The following TDRD7 variants were observed in gnomAD, a reference collection of about 807,000 sequenced individuals.
TDRD7 encodes tudor domain-containing protein 7.
A neutral mutation model predicts 109.8 loss-of-function variants in TDRD7; 47 were observed. The ratio of observed to expected loss-of-function variants is 0.43; its 90% CI spans 0.34 to 0.55. TDRD7 has a LOEUF of 0.55. TDRD7 is among the 20% of genes least tolerant of loss of function. The pLI is 0.03. For missense variants in TDRD7, 1,164 were observed against 1,319.2 expected (o/e 0.88, Z 1.82); for synonymous variants, 424 against 457.3 (o/e 0.93, Z 0.93).
intron 7 of TDRD7, 22 bp downstream of exon 7, chr9:97,460,786 T>A: frequency 7.5e-6 from 12 of 1,595,796 alleles, no homozygotes; most frequent in Non-Finnish European, 1.0e-5. Context: ...TTTCTAATTC[T>A]TTAGGATTCT....
At chr9:97,488,808 C>T (rs1215759747) in intron 16 of TDRD7, among the ~76,000 whole-genome samples, 1 of 152,174 alleles carries the variant, frequency 6.6e-6, no homozygotes, top group Non-Finnish European at 1.5e-5. Context: ...ACAAGTTTCC[C>T]TCTAAGTACA....
rs181117852 is a variant in TDRD7 at position 97,452,458 on chromosome 9, A to G, written c.856-7720A>G. Among the ~76,000 whole-genome samples the G allele has an allele frequency of 8.2e-4, 125 of 152,338 alleles. 2 individuals carry two copies. The highest frequency in any genetic ancestry group is 6.8e-3 in the Middle Eastern group (2 of 294). Reference sequence around the variant, plus strand: ...AGAACAAGTGAAATGTAGGCACATAACTAACTGTTTTGAGATAAAAGAATA... The same window carrying G: ...AGAACAAGTGAAATGTAGGCACATAGCTAACTGTTTTGAGATAAAAGAATA... On this transcript the variant is annotated intron_variant, in intron 6 of 16. Transcript: ENST00000355295.
chr9:97,487,608 T>C (rs928920381), intron 16 of TDRD7, among the ~76,000 whole-genome samples: 26 of 152,246 alleles, frequency 1.7e-4, no homozygotes, highest in African/African-American at 5.5e-4. Context: ...TTAGTACAGA[T>C]ATAATACTGC....
At chr9:97,428,254 A>G (rs2118278734) in intron 1 of TDRD7, among the ~76,000 whole-genome samples, 1 of 152,194 alleles carries the variant, frequency 6.6e-6, no homozygotes, top group African/African-American at 2.4e-5. Context: ...TTCCCTCTTC[A>G]GGCTGGTCTT....
chr9:97,447,814 A>G (rs1828427403), intron 6 of TDRD7, among the ~76,000 whole-genome samples: 1 of 152,242 alleles, frequency 6.6e-6, no homozygotes, highest in African/African-American at 2.4e-5. Flanking sequence ...AAAGCTCTGC[A>G]CATGTTCAAC....
chr9:97,475,113 A>G (rs904639199), intron 11 of TDRD7, among the ~76,000 whole-genome samples: 1 of 152,224 alleles, frequency 6.6e-6, no homozygotes, highest in African/African-American at 2.4e-5. Flanking sequence ...TAAGTGAATC[A>G]TAATGATCTT....
chr9:97,448,999 A>G (rs1828445502), intron 6 of TDRD7, among the ~76,000 whole-genome samples: 1 of 152,224 alleles, frequency 6.6e-6, no homozygotes, highest in South Asian at 2.1e-4. Flanking sequence ...AGAACTTTTA[A>G]GTTTACAGCA....
chr9:97,476,208 C>T (rs1829015532), intron 12 of TDRD7, among the ~76,000 whole-genome samples: 1 of 152,126 alleles, frequency 6.6e-6, no homozygotes, highest in Non-Finnish European at 1.5e-5. Context: ...AGTGTCAGAT[C>T]CTCCCTGCCT....
intron 12 of TDRD7, among the ~76,000 whole-genome samples, chr9:97,477,104 T>C (rs1829035674): frequency 6.6e-6 from 1 of 152,232 alleles, no homozygotes; most frequent in Non-Finnish European, 1.5e-5. Flanking sequence ...AGTGTATGCA[T>C]ACTAACTTTT....
rs533409164 is a variant in TDRD7 at position 97,464,019 on chromosome 9, T to G, written c.1443-823T>G. 7.2e-5 allele frequency among the ~76,000 whole-genome samples: 11 copies of G among 152,302 alleles called. No individual in the cohort carries two copies. In the South Asian group the frequency reaches 2.3e-3, roughly 32 times the overall value. ...GCTTTGTTTTTTCTCTAGTAAAATTTCATTGCTTTTCAAAGCTTGACCCAG... is the reference window on the plus strand; with the variant it reads ...GCTTTGTTTTTTCTCTAGTAAAATTGCATTGCTTTTCAAAGCTTGACCCAG... On this transcript the variant is annotated intron_variant, in intron 7 of 16. Coordinates refer to ENST00000355295, the MANE Select transcript of TDRD7 (RefSeq NM_014290.3).
chr9:97,455,497 C>T (rs1360048460), intron 6 of TDRD7, among the ~76,000 whole-genome samples: 1 of 152,196 alleles, frequency 6.6e-6, no homozygotes, highest in Non-Finnish European at 1.5e-5. Flanking sequence ...GGCTTCATCC[C>T]TGGGATGCAA....
intron 6 of TDRD7, among the ~76,000 whole-genome samples, chr9:97,456,695 T>C (rs1025186064): frequency 6.6e-6 from 1 of 152,184 alleles, no homozygotes; most frequent in African/African-American, 2.4e-5. Flanking sequence ...AAGACTTAAA[T>C]GTAAAACCCC....
intron 16 of TDRD7, among the ~76,000 whole-genome samples, chr9:97,489,865 C>T (rs1474571277): frequency 6.6e-6 from 1 of 152,084 alleles, no homozygotes; most frequent in Non-Finnish European, 1.5e-5. Flanking sequence ...TTGCTATATA[C>T]AGTTAGAACT....
intron 16 of TDRD7, among the ~76,000 whole-genome samples, chr9:97,491,477 A>G (rs374218598): frequency 2.0e-5 from 3 of 152,212 alleles, no homozygotes; most frequent in Admixed American, 6.5e-5. Flanking sequence ...AAAGGTGGAC[A>G]TGATACATTG....
intron 1 of TDRD7, among the ~76,000 whole-genome samples, chr9:97,423,677 T>G (rs933816018): frequency 4.6e-5 from 7 of 152,152 alleles, no homozygotes; most frequent in Admixed American, 4.6e-4. Context: ...CCTCTAATAC[T>G]TTTACCGCAT....
intron 8 of TDRD7, among the ~76,000 whole-genome samples, chr9:97,467,930 A>G (rs1302555575): frequency 6.6e-6 from 1 of 152,252 alleles, no homozygotes; most frequent in East Asian, 1.9e-4. Flanking sequence ...GTGGATGGTA[A>G]GCAAAAGAGA....
intron 5 of TDRD7, among the ~76,000 whole-genome samples, chr9:97,440,487 A>G (rs1386430880): frequency 6.6e-6 from 1 of 152,232 alleles, no homozygotes; most frequent in Non-Finnish European, 1.5e-5. Flanking sequence ...GTCCTTTTAT[A>G]TCATTATTTG....
At chr9:97,487,120 A>G (rs2131182037) in intron 15 of TDRD7, 52 bp from the exon 16 acceptor site, 1 of 1,570,234 alleles carries the variant, frequency 6.4e-7, no homozygotes, top group African/African-American at 1.4e-5. Flanking sequence ...CCCTTAAAGC[A>G]GGTACTGAGT....
chr9:97,428,511 C>A lies in TDRD7; in HGVS notation c.46C>A (p.Gln16Lys). 1 of 1,614,040 alleles carries A rather than the reference C, an allele frequency of 6.2e-7. No individual in the cohort carries two copies. The highest frequency in any genetic ancestry group is 8.5e-7 in the Non-Finnish European group (1 of 1,179,944). The change falls in exon 2 of 17, where the codon CAG becomes AAG. Residue 16 changes from glutamine to lysine, a missense_variant. Around this residue, in one of 5 missense-constraint regions of TDRD7, gnomAD observed 101 missense variants for 148.5 expected, o/e 0.68. Coordinates refer to ENST00000355295, the MANE Select transcript of TDRD7 (RefSeq NM_014290.3). The stretch of plus-strand genomic sequence containing the variant: ...TTCAAAGATGCTACGAGCTGTTCTG[C>A]AGTCTCATAAGAATGGAGTAGCATT... ...LVSKMLRAVL[Q>K]SHKNGVALPR...
Sources: allele counts gnomAD v4.1 joint callset (sites outside exome capture counted in the v4.1 genomes callset), GRCh38; gene constraint gnomAD v4.1.1; regional missense constraint gnomAD v4.1.1; transcripts MANE v1.5; gene names NCBI Gene and HGNC (gene_info 2026-07-23, HGNC 2026-07-21).